PRMT8: variants seen among roughly 807,000 people sequenced by gnomAD.
PRMT8 encodes the protein protein arginine N-methyltransferase 8.
In PRMT8, 7 loss-of-function variants were observed where a neutral mutation model predicts 47.1. That is an observed-to-expected ratio of 0.15 (90% confidence interval 0.08 to 0.28). PRMT8 has a LOEUF of 0.28. PRMT8 is among the 10% of genes least tolerant of loss of function. PRMT8 has a pLI of 1.00. For synonymous variants in PRMT8, 188 were observed against 186.5 expected (o/e 1.01, Z -0.07); for missense variants, 237 against 505.4 (o/e 0.47, Z 5.09).
At chr12:3,571,715 A>G (rs1227769741) in intron 6 of PRMT8, among the ~76,000 whole-genome samples, 2 of 152,194 alleles carry the variant, frequency 1.3e-5, no homozygotes, top group Admixed American at 1.3e-4. Flanking sequence ...CCCCAAAAGA[A>G]CACCAAGAAA....
chr12:3,548,637 A>C (rs1050456920), intron 2 of PRMT8, among the ~76,000 whole-genome samples: 1 of 152,232 alleles, frequency 6.6e-6, no homozygotes, highest in African/African-American at 2.4e-5. Flanking sequence ...TGAGGCATCA[A>C]ATCAGTTTAC....
intron 1 of PRMT8, among the ~76,000 whole-genome samples, chr12:3,509,681 G>A (rs188360286): frequency 1.1e-4 from 16 of 152,284 alleles, no homozygotes; most frequent in East Asian, 5.8e-4. Flanking sequence ...TGTTGGTCCC[G>A]TTCTTAATTC....
intron 1 of PRMT8, among the ~76,000 whole-genome samples, chr12:3,403,287 AG>A (rs1400048279): frequency 6.6e-6 from 1 of 152,060 alleles, no homozygotes; most frequent in Non-Finnish European, 1.5e-5. Flanking sequence ...TGGACACATG[AG>A]GGGAACAACA....
chr12:3,578,391 ATT>A (rs34112556), intron 7 of PRMT8, among the ~76,000 whole-genome samples: 7 of 146,678 alleles, frequency 4.8e-5, no homozygotes, highest in Admixed American at 2.7e-4. Context: ...GGCATGGCTA[ATT>A]TTTTTTTTTT....
chr12:3,524,129 A>G (rs1337108483), intron 1 of PRMT8, among the ~76,000 whole-genome samples: 1 of 152,194 alleles, frequency 6.6e-6, no homozygotes, highest in Admixed American at 6.5e-5. Context: ...AAGAATCCAC[A>G]TGGCCACCAA....
intron 1 of PRMT8, among the ~76,000 whole-genome samples, chr12:3,483,665 G>A (rs947719766): frequency 3.3e-5 from 5 of 152,164 alleles, no homozygotes; most frequent in South Asian, 2.1e-4. Context: ...CCATCACTGC[G>A]TATGTCTGAG....
chr12:3,494,503 T>C (rs1865474681), intron 1 of PRMT8, among the ~76,000 whole-genome samples: 1 of 152,230 alleles, frequency 6.6e-6, no homozygotes, highest in South Asian at 2.1e-4. Context: ...CTGTTTGCCC[T>C]GCCCTTGCTA....
At chr12:3,517,673 A>G (rs902595709) in intron 1 of PRMT8, among the ~76,000 whole-genome samples, 2 of 152,088 alleles carry the variant, frequency 1.3e-5, no homozygotes, top group Non-Finnish European at 2.9e-5. Flanking sequence ...AAAAGCTCAA[A>G]CACAGAAACC....
intron 1 of PRMT8, among the ~76,000 whole-genome samples, chr12:3,391,700 C>T (rs1483721696): frequency 2.0e-5 from 3 of 152,172 alleles, no homozygotes; most frequent in Admixed American, 6.5e-5. Context: ...CTGTCTCCCC[C>T]TCTAGTCTGT....
intron 1 of PRMT8, among the ~76,000 whole-genome samples, chr12:3,420,708 G>T (rs1383610450): frequency 6.6e-6 from 1 of 152,238 alleles, no homozygotes; most frequent in Non-Finnish European, 1.5e-5. Flanking sequence ...GAGCTTGCTT[G>T]CTTTCTTCCA....
At chr12:3,424,583 A>G (rs1278851013) in intron 1 of PRMT8, among the ~76,000 whole-genome samples, 7 of 152,038 alleles carry the variant, frequency 4.6e-5, no homozygotes, top group African/African-American at 1.7e-4. Flanking sequence ...CTAATACTTT[A>G]CTTGTATCAT....
rs1362177234 is a variant in PRMT8 at position 3,566,410 on chromosome 12, C to G, written c.482-2296C>G. On this transcript the variant is annotated intron_variant, in intron 4 of 9. Transcript: ENST00000382622. The surrounding 1 kb of genome is among the most constrained non-coding windows in gnomAD (Gnocchi z 4.7). The stretch of plus-strand genomic sequence containing the variant: ...TGGAGAATAGCTCTTCCTGCTCATA[C>G]TTTTTAATGGTAGGGGCTTTTGAGC... Among the ~76,000 whole-genome samples the G allele has an allele frequency of 6.6e-6, 1 of 152,154 alleles. No individual in the cohort carries two copies. The highest frequency in any genetic ancestry group is 2.4e-5 in the African/African-American group (1 of 41,424).
chr12:3,405,196 G>A (rs1864360549), intron 1 of PRMT8, among the ~76,000 whole-genome samples: 2 of 152,160 alleles, frequency 1.3e-5, no homozygotes, highest in African/African-American at 4.8e-5. Flanking sequence ...GAAGTGCCAA[G>A]CAAAGGGGGA....
intron 1 of PRMT8, among the ~76,000 whole-genome samples, chr12:3,536,311 CTGGGCCAGTCATTTATTTGTCCCCA>C (rs1240217156): frequency 2.0e-5 from 3 of 152,194 alleles, no homozygotes; most frequent in Admixed American, 6.5e-5. Flanking sequence ...AGACCAGGGT[CTGGGCCAGTCATTTATTTGTCCCCA>C]TGACCTGTGG....
rs1256838071 is a variant in PRMT8, at chr12:3,569,034, T to C, written c.624+186T>C. Among the ~76,000 whole-genome samples the C allele has an allele frequency of 4.6e-5, 7 of 152,142 alleles. No homozygotes were observed. Among genetic ancestry groups the C allele is most frequent in the South Asian group, 2.1e-4 (1 of 4,830 alleles). ...CAGAATGGTTGCCCCGGGTCCAGCA[T>C]GTGTAACCATCAGAGTGGACTTCCG... is the stretch of plus-strand genomic sequence containing the variant. On this transcript the variant is annotated intron_variant, in intron 5 of 9. Coordinates refer to ENST00000382622, the MANE Select transcript of PRMT8 (RefSeq NM_019854.5). The surrounding 1 kb of genome is among the most constrained non-coding windows in gnomAD (Gnocchi z 8.2).
At chr12:3,591,129 C>T in intron 8 of PRMT8, among the ~76,000 whole-genome samples, 1 of 152,088 alleles carries the variant, frequency 6.6e-6, no homozygotes, top group East Asian at 1.9e-4. Context: ...ACGGTGGCCT[C>T]TGAGGCAGAA....
intron 1 of PRMT8, among the ~76,000 whole-genome samples, chr12:3,466,336 T>G (rs1865097400): frequency 6.6e-6 from 1 of 152,146 alleles, no homozygotes; most frequent in Non-Finnish European, 1.5e-5. Context: ...CTCCTTTGAC[T>G]CTTTGGTGCT....
At chr12:3,558,749 G>A (rs539803421) in intron 4 of PRMT8, among the ~76,000 whole-genome samples, 1 of 152,306 alleles carries the variant, frequency 6.6e-6, no homozygotes, top group East Asian at 1.9e-4. Context: ...CAGACAGGAT[G>A]CTGTGTTCTC....
At chr12:3,444,858 G>A (rs1262627435) in intron 1 of PRMT8, among the ~76,000 whole-genome samples, 1 of 152,242 alleles carries the variant, frequency 6.6e-6, no homozygotes, top group Admixed American at 6.5e-5. Context: ...CCCTTCGGGT[G>A]CCTGGCAGCA....
Sources: allele counts gnomAD v4.1 joint callset (sites outside exome capture counted in the v4.1 genomes callset), GRCh38; gene constraint gnomAD v4.1.1; non-coding constraint Gnocchi (gnomAD v3.1); transcripts MANE v1.5; gene names NCBI Gene and HGNC (gene_info 2026-07-23, HGNC 2026-07-21).